NMNAT3: variants seen among roughly 807,000 people sequenced by gnomAD.
NMNAT3 encodes the protein nicotinamide/nicotinic acid mononucleotide adenylyltransferase 3.
NMNAT3 carries 21 observed loss-of-function variants against 24.8 expected under a neutral mutation model. The observed-to-expected ratio is 0.85, with a 90% CI of 0.60 to 1.22. The LOEUF is 1.22. NMNAT3 is among the 50% of genes most tolerant of loss of function. NMNAT3 has a pLI of 0.00. For missense variants in NMNAT3, 387 were observed against 436.6 expected (o/e 0.89, Z 1.01); for synonymous variants, 136 against 155.2 (o/e 0.88, Z 0.92).
intron 3 of NMNAT3, among the ~76,000 whole-genome samples, chr3:139,615,919 A>G (rs1362772628): frequency 6.6e-6 from 1 of 152,170 alleles, no homozygotes; most frequent in East Asian, 1.9e-4. Context: ...CAGGGCATGT[A>G]TGCTCCCCCA....
At chr3:139,613,788 T>G (rs989531740) in intron 3 of NMNAT3, among the ~76,000 whole-genome samples, 1 of 152,142 alleles carries the variant, frequency 6.6e-6, no homozygotes, top group African/African-American at 2.4e-5. Flanking sequence ...ATATACACCA[T>G]GGAATACTAT....
At chr3:139,562,224 T>G (rs1340347252) in intron 6 of NMNAT3, among the ~76,000 whole-genome samples, 1 of 152,150 alleles carries the variant, frequency 6.6e-6, no homozygotes, top group East Asian at 1.9e-4. Context: ...GGCAGATAAG[T>G]CAGGTGTCAA....
chr3:139,659,669 G>C (rs1297766109), intron 1 of NMNAT3, among the ~76,000 whole-genome samples: 1 of 152,188 alleles, frequency 6.6e-6, no homozygotes, highest in Non-Finnish European at 1.5e-5. Flanking sequence ...AAACATTCTT[G>C]AGCAATGGTT....
At chr3:139,670,805 T>G (rs1383979425) in intron 1 of NMNAT3, among the ~76,000 whole-genome samples, 1 of 152,204 alleles carries the variant, frequency 6.6e-6, no homozygotes, top group African/African-American at 2.4e-5. Flanking sequence ...ATAAGGGCTC[T>G]GAAGGCTGCA....
chr3:139,613,256 G>A (rs974651614), intron 3 of NMNAT3, among the ~76,000 whole-genome samples: 46 of 152,140 alleles, frequency 3.0e-4, no homozygotes, highest in African/African-American at 9.6e-4. Context: ...GCTAATACCC[G>A]GAATCTACAA....
intron 5 of NMNAT3, among the ~76,000 whole-genome samples, chr3:139,574,996 T>C (rs1477247272): frequency 6.6e-6 from 1 of 152,130 alleles, no homozygotes; most frequent in Non-Finnish European, 1.5e-5. Flanking sequence ...CCCAGAGAGC[T>C]GGTGTGAGGA....
intron 1 of NMNAT3, among the ~76,000 whole-genome samples, chr3:139,654,462 T>C (rs2057169457): frequency 6.6e-6 from 1 of 152,226 alleles, no homozygotes; most frequent in Non-Finnish European, 1.5e-5. Context: ...CTGACCTCCT[T>C]CAGATGCCGA....
chr3:139,594,670 G>C (rs372481514), intron 3 of NMNAT3, among the ~76,000 whole-genome samples: 1 of 152,110 alleles, frequency 6.6e-6, no homozygotes, highest in Non-Finnish European at 1.5e-5. Context: ...ACGCAAATCA[G>C]TAAATGTAAT....
chr3:139,575,581 A>T (rs572842021), intron 5 of NMNAT3: 2 of 996,554 alleles, frequency 2.0e-6, no homozygotes, highest in Non-Finnish European at 2.4e-6. Context: ...CATTTTACTT[A>T]CCTTGAAGGT....
chr3:139,650,936 C>G (rs1429769387), intron 1 of NMNAT3, among the ~76,000 whole-genome samples: 18 of 152,154 alleles, frequency 1.2e-4, no homozygotes, highest in Admixed American at 1.2e-3. Context: ...CTGATTTTCT[C>G]TGAACAGTAG....
chr3:139,588,499 A>G (rs2054032809), intron 3 of NMNAT3, among the ~76,000 whole-genome samples: 1 of 152,182 alleles, frequency 6.6e-6, no homozygotes, highest in Non-Finnish European at 1.5e-5. Flanking sequence ...TGGACACTGG[A>G]GAGCTGATAA....
chr3:139,565,761 G>A (rs374334391), intron 6 of NMNAT3: 2 of 151,998 alleles, frequency 1.3e-5, no homozygotes, highest in African/African-American at 2.4e-5. Context: ...CCAGTCTATC[G>A]TTGTTGGACA....
At chr3:139,568,605 T>TAGTC (rs1299177183) in intron 6 of NMNAT3, 1 of 152,210 alleles carries the variant, frequency 6.6e-6, no homozygotes, top group Admixed American at 6.5e-5. Context: ...ATTTACCCAG[T>TAGTC]AGTCATTCAG....
intron 1 of NMNAT3, among the ~76,000 whole-genome samples, chr3:139,648,195 A>AGT (rs1331909909): frequency 9.9e-5 from 15 of 152,204 alleles, no homozygotes; most frequent in Admixed American, 9.8e-4. Context: ...ATCATTTAAA[A>AGT]GTGGCTGTTT....
chr3:139,670,646 A>G (rs1241766259), intron 1 of NMNAT3, among the ~76,000 whole-genome samples: 1 of 152,258 alleles, frequency 6.6e-6, no homozygotes, highest in African/African-American at 2.4e-5. Context: ...CATCACAGTG[A>G]GAGTTGGCAG....
At chr3:139,677,164 T>C (rs1484579423) in intron 1 of NMNAT3, among the ~76,000 whole-genome samples, 1 of 152,186 alleles carries the variant, frequency 6.6e-6, no homozygotes, top group Non-Finnish European at 1.5e-5. Context: ...CTGGGGGCCC[T>C]GATAAAATCT....
chr3:139,577,527 C>A (rs894984532), intron 5 of NMNAT3, among the ~76,000 whole-genome samples: 2 of 152,170 alleles, frequency 1.3e-5, no homozygotes, highest in Non-Finnish European at 2.9e-5. Context: ...GGTGGAGGAG[C>A]AAGCGTCTGT....
chr3:139,635,491 A>G (rs1180001344), intron 2 of NMNAT3: 1 of 152,366 alleles, frequency 6.6e-6, no homozygotes, highest in East Asian at 1.9e-4. Flanking sequence ...TGAAAAATAA[A>G]TATGCCTAAA....
In NMNAT3 at chr3:139,561,376, C is replaced by A; in HGVS notation, c.675G>T (p.Lys225Asn). The change falls in exon 7 of 7, where the codon AAG becomes AAT. Residue 225 changes from lysine to asparagine, a missense_variant. By Grantham distance (94) the Lys-to-Asn change is moderately conservative. Around this residue, in one of 3 missense-constraint regions of NMNAT3, gnomAD observed 323 missense variants for 345.2 expected, o/e 0.94. Transcript: ENST00000643695. Reference sequence around the variant, plus strand: ...TCAAGACGTCTGCCCCACAGAGAAGCTTCAGCTCAGGCACAGCTGCAAAAA... The same window carrying A: ...TCAAGACGTCTGCCCCACAGAGAAGATTCAGCTCAGGCACAGCTGCAAAAA... The A allele has an allele frequency of 6.2e-7, 1 of 1,613,280 alleles. No homozygotes were observed. The highest frequency in any genetic ancestry group is 8.5e-7 in the Non-Finnish European group (1 of 1,179,400).
Sources: gnomAD v4.1 joint callset for allele counts (sites outside exome capture counted in the v4.1 genomes callset) on GRCh38, gnomAD v4.1.1 for gene constraint, gnomAD v4.1.1 regional missense constraint, MANE v1.5 for transcripts, NCBI Gene and HGNC (gene_info 2026-07-23, HGNC 2026-07-21) for gene names.